The following TBC1D8 variants were observed in gnomAD, a reference collection of about 807,000 sequenced individuals.
TBC1D8 encodes the protein BUB2-like protein 1.
In TBC1D8, 65 loss-of-function variants were observed where a neutral mutation model predicts 118.8. The observed-to-expected ratio is 0.55, with a 90% confidence interval of 0.45 to 0.67. TBC1D8 has a LOEUF of 0.67. TBC1D8 is among the 30% of genes least tolerant of loss of function. TBC1D8 has a pLI of 0.00. For synonymous variants in TBC1D8, 566 were observed against 595.8 expected (o/e 0.95, Z 0.73); for missense variants, 1,376 against 1,471.2 (o/e 0.94, Z 1.06).
chr2:101,038,112 A>T (rs1397304398), intron 7 of TBC1D8, among the ~76,000 whole-genome samples: 1 of 151,920 alleles, frequency 6.6e-6, no homozygotes, highest in Non-Finnish European at 1.5e-5. Flanking sequence ...AAAAAAGGAG[A>T]CCAGGCCCCA....
chr2:101,077,062 C>A (rs1408333391), intron 2 of TBC1D8, among the ~76,000 whole-genome samples: 1 of 152,190 alleles, frequency 6.6e-6, no homozygotes, highest in Non-Finnish European at 1.5e-5. Flanking sequence ...CTCGCTCTGT[C>A]GCCCAGACTG....
At chr2:101,009,793 A>G (rs932956844) in intron 19 of TBC1D8, among the ~76,000 whole-genome samples, 3 of 151,916 alleles carry the variant, frequency 2.0e-5, no homozygotes, top group African/African-American at 7.2e-5. Context: ...CACAGCACCA[A>G]AATGACTTAA....
At chr2:101,064,076 G>A (rs1218069692) in intron 2 of TBC1D8, among the ~76,000 whole-genome samples, 1 of 152,182 alleles carries the variant, frequency 6.6e-6, no homozygotes. Flanking sequence ...GAGGAGAGCT[G>A]CTATTATGGC....
intron 1 of TBC1D8, among the ~76,000 whole-genome samples, chr2:101,099,696 G>C (rs1013459093): frequency 2.0e-5 from 3 of 152,112 alleles, no homozygotes; most frequent in East Asian, 1.9e-4. Flanking sequence ...GGGATCCAAG[G>C]CTGGTTCAAC....
intron 5 of TBC1D8, among the ~76,000 whole-genome samples, chr2:101,042,550 T>A (rs992606851): frequency 5.9e-5 from 9 of 152,114 alleles, no homozygotes; most frequent in Admixed American, 5.9e-4. Context: ...TCTAAAATGA[T>A]CCCCACAATA....
intron 1 of TBC1D8, among the ~76,000 whole-genome samples, chr2:101,141,798 GGC>G (rs201764543): frequency 1.4e-5 from 2 of 146,056 alleles, no homozygotes; most frequent in East Asian, 3.9e-4. Flanking sequence ...CACACATGAA[GGC>G]GCGCACACAC....
chr2:101,059,309 T>C, intron 3 of TBC1D8, 112 bp downstream of exon 3: 1 of 778,898 alleles, frequency 1.3e-6, no homozygotes, highest in Non-Finnish European at 2.1e-6. Flanking sequence ...CATTACGTAT[T>C]GAGCCAAAAG....
chr2:101,038,502 T>G lies in TBC1D8; in HGVS notation c.1234A>C (p.Asn412His), dbSNP rs1269438785. ...GAGGTGTCGTAGTGCACGGGGTGGT[T>G]GGCGTGGACCTGCTTCAACCTCGCA... ...LLARLKQVHA[N>H]HPVHYDTSAD... The change falls in exon 7 of 20, where the codon AAC becomes CAC. Residue 412 changes from asparagine (N) to histidine (H), a missense_variant. Asn to His is a moderately conservative substitution (Grantham distance 68). Transcript: ENST00000409318. 6.2e-7 allele frequency: 1 copy of G among 1,613,730 alleles called. No individual in the cohort carries two copies. The highest frequency in any genetic ancestry group is 1.1e-5 in the South Asian group (1 of 91,066).
chr2:101,095,363 T>C (rs542542249), intron 1 of TBC1D8, among the ~76,000 whole-genome samples: 1 of 151,150 alleles, frequency 6.6e-6, no homozygotes, highest in African/African-American at 2.4e-5. Context: ...AACTCGTCAT[T>C]TAGCATTAGG....
At chr2:101,011,275 C>G in intron 18 of TBC1D8, 176 bp downstream of exon 18, 3 of 725,266 alleles carry the variant, frequency 4.1e-6, no homozygotes, top group Non-Finnish European at 6.7e-6. Flanking sequence ...GGCAGCCACC[C>G]AGCAACACCC....
rs142978660 is a variant in TBC1D8 at position 101,109,798 on chromosome 2, A to C, written c.128-19434T>G. On this transcript the variant is annotated intron_variant, in intron 1 of 19. Coordinates refer to ENST00000409318, the MANE Select transcript of TBC1D8 (RefSeq NM_001330348.2). The stretch of plus-strand genomic sequence containing the variant: ...GGTGAGGACTGGTTAGAGACAGGCA[A>C]ACACTTATTTTTAAAAATACTACAT... The C allele has an allele frequency of 3.0e-6, 3 of 985,428 alleles. No homozygotes were observed. The African/African-American group carries it at 5.2e-5, about 17-fold the overall frequency. The allele number at this position is 985,428 out of a possible 1,614,324, so 61.0% of individuals were successfully genotyped here. A position where few individuals can be genotyped will look rare whatever the true frequency, so the allele number is the denominator to read the frequency against.
At chr2:101,079,928 C>T (rs986864387) in intron 2 of TBC1D8, among the ~76,000 whole-genome samples, 6 of 151,860 alleles carry the variant, frequency 4.0e-5, no homozygotes, top group Admixed American at 2.0e-4. Flanking sequence ...CCTCATGATC[C>T]GCCTGCTTAG....
chr2:101,015,784 A>G (rs11684100), intron 17 of TBC1D8, among the ~76,000 whole-genome samples: 128,442 of 152,170 alleles, frequency 0.84, 54,588 homozygotes, highest in African/African-American at 0.95. Context: ...CCACAACTAC[A>G]TGATCTTTGA....
rs753896884 is a variant in TBC1D8, at chr2:101,007,850, G to GTGAT, written c.3435_3438dup (p.Gln1147IlefsTer4). On this transcript the variant is annotated frameshift_variant, in exon 20 of 20. Coordinates refer to ENST00000409318, the MANE Select transcript of TBC1D8 (RefSeq NM_001330348.2). LOFTEE classifies it high-confidence loss of function. ...AAGTTACTCAGCTTAAGTTCAGATTGTGATTGGTGGCTCATTTCAAAAGTT... is the reference window on the plus strand; with the variant it reads ...AAGTTACTCAGCTTAAGTTCAGATTGTGATTGATTGGTGGCTCATTTCAAAAGTT... 3 of 1,613,240 alleles carry GTGAT rather than the reference G, an allele frequency of 1.9e-6. No homozygotes were observed. The highest frequency in any genetic ancestry group is 2.2e-5 in the East Asian group (1 of 44,892).
At chr2:101,036,662 T>C (rs1199099882) in intron 8 of TBC1D8, among the ~76,000 whole-genome samples, 1 of 152,120 alleles carries the variant, frequency 6.6e-6, no homozygotes, top group Non-Finnish European at 1.5e-5. Context: ...AAAACTGCAT[T>C]GTTCTCATTA....
At chr2:101,124,276 T>C (rs759798718) in intron 1 of TBC1D8, among the ~76,000 whole-genome samples, 1 of 152,140 alleles carries the variant, frequency 6.6e-6, no homozygotes, top group Non-Finnish European at 1.5e-5. Context: ...TGTACACACA[T>C]GTATAAAAGA....
intron 1 of TBC1D8, among the ~76,000 whole-genome samples, chr2:101,142,362 G>A (rs1679142266): frequency 6.6e-6 from 1 of 152,152 alleles, no homozygotes; most frequent in Non-Finnish European, 1.5e-5. Context: ...GTGTCGGGGT[G>A]TTTGTTACTG....
At chr2:101,025,189 G>C (rs998191915) in intron 15 of TBC1D8, among the ~76,000 whole-genome samples, 1 of 151,900 alleles carries the variant, frequency 6.6e-6, no homozygotes, top group Non-Finnish European at 1.5e-5. Flanking sequence ...TGTACAGGGA[G>C]GGTAATACGG....
At chr2:101,111,668 C>T (rs191709050) in intron 1 of TBC1D8, among the ~76,000 whole-genome samples, 24 of 152,228 alleles carry the variant, frequency 1.6e-4, no homozygotes, top group African/African-American at 4.6e-4. Context: ...GTGTCTGGAG[C>T]GAGTTACGCT....
Sources: allele counts gnomAD v4.1 joint callset (sites outside exome capture counted in the v4.1 genomes callset), GRCh38; gene constraint gnomAD v4.1.1; transcripts MANE v1.5; gene names NCBI Gene and HGNC (gene_info 2026-07-23, HGNC 2026-07-21).